The following CDKN2B-AS1 variants were observed in gnomAD, a reference collection of about 807,000 sequenced individuals.
The protein encoded by CDKN2B-AS1 is CDKN2B antisense RNA 1 (non-protein coding).
intron 4 of CDKN2B-AS1, among the ~76,000 whole-genome samples, chr9:22,081,569 C>A (rs1053355247): frequency 1.3e-5 from 2 of 152,224 alleles, no homozygotes; most frequent in Non-Finnish European, 2.9e-5. Flanking sequence ...GAAATGGGAA[C>A]AAGTTGTGGG....
chr9:22,082,963 A>G lies in CDKN2B-AS1; in HGVS notation n.438+26576A>G, dbSNP rs370422226. 1.6e-4 allele frequency among the ~76,000 whole-genome samples: 24 copies of G among 152,334 alleles called. No homozygotes were observed. In the East Asian group the frequency reaches 2.1e-3, roughly 13 times the overall value. On this transcript the variant is annotated intron_variant and non_coding_transcript_variant, in intron 4 of 4. Transcript: ENST00000650946. ...TTGAGAAAGCCAATTGGAATCAAGA[A>G]GGCCTAATCCTGGGGTTCTGTCACA... is the stretch of plus-strand genomic sequence containing the variant.
intron 4 of CDKN2B-AS1, among the ~76,000 whole-genome samples, chr9:22,109,805 G>A (rs1324073674): frequency 6.6e-6 from 1 of 152,114 alleles, no homozygotes; most frequent in South Asian, 2.1e-4. Flanking sequence ...AAAGTGGATT[G>A]CAACTGCTAT....
At position 22,005,591 on chromosome 9, in the gene CDKN2B-AS1, A is replaced by G; in HGVS notation, n.29+10430A>G. The G allele has an allele frequency of 2.4e-6, 1 of 422,736 alleles. No individual in the cohort carries two copies. Among genetic ancestry groups the G allele is most frequent in the Admixed American group, 3.8e-5 (1 of 26,378 alleles). 26.2% of individuals were successfully genotyped at this position (422,736 alleles called of 1,614,324 possible). A position where few individuals can be genotyped will look rare whatever the true frequency, so the allele number is the denominator to read the frequency against. On this transcript the variant is annotated intron_variant and non_coding_transcript_variant, in intron 1 of 4. Transcript: ENST00000650946. This position sits in a 1 kb window ranked among gnomAD's most constrained non-coding sequence, Gnocchi z 4.9. ...CATCGACTGCCGTCACCCAAGTGCT[A>G]ATCACTGCCTTCTCCCACTCAGCGC...
chr9:22,045,027 A>G (rs1563943258), intron 1 of CDKN2B-AS1, among the ~76,000 whole-genome samples: 2 of 132,342 alleles, frequency 1.5e-5, no homozygotes, highest in African/African-American at 6.0e-5. Flanking sequence ...TTTTGGAAAA[A>G]TATTATTTAT....
chr9:22,012,010 A>G (rs1349538024), intron 1 of CDKN2B-AS1: 2 of 496,994 alleles, frequency 4.0e-6, no homozygotes, highest in Non-Finnish European at 7.2e-6. Flanking sequence ...ATCCATTCCA[A>G]TGTTGCACAT....
intron 4 of CDKN2B-AS1, among the ~76,000 whole-genome samples, chr9:22,067,749 G>C (rs1288412287): frequency 1.3e-5 from 2 of 152,118 alleles, no homozygotes; most frequent in Non-Finnish European, 2.9e-5. Flanking sequence ...TAGAAGCAAA[G>C]AGCCTAAAGT....
chr9:22,009,685 C>T (rs902722924), intron 1 of CDKN2B-AS1, among the ~76,000 whole-genome samples: 11 of 152,190 alleles, frequency 7.2e-5, no homozygotes, highest in African/African-American at 2.7e-4. Flanking sequence ...GAAAGTCATT[C>T]AAAATAACTC....
intron 1 of CDKN2B-AS1, among the ~76,000 whole-genome samples, chr9:22,026,918 C>G (rs978499814): frequency 6.6e-6 from 1 of 152,204 alleles, no homozygotes; most frequent in South Asian, 2.1e-4. Flanking sequence ...CCCAGAGTTG[C>G]GCATTCACTT....
chr9:22,048,851 A>G (rs1165807916), intron 2 of CDKN2B-AS1, among the ~76,000 whole-genome samples: 1 of 152,180 alleles, frequency 6.6e-6, no homozygotes, highest in Non-Finnish European at 1.5e-5. Context: ...GAAATATTTA[A>G]TGGCAAACTT....
chr9:22,069,988 T>TGTGCGTTATCTAATACTTAG (rs1244228402), intron 4 of CDKN2B-AS1, among the ~76,000 whole-genome samples: 1 of 152,158 alleles, frequency 6.6e-6, no homozygotes, highest in Non-Finnish European at 1.5e-5. Flanking sequence ...TTTTTGGGAA[T>TGTGCGTTATCTAATACTTAG]GTGCGTTATC....
intron 2 of CDKN2B-AS1, among the ~76,000 whole-genome samples, chr9:22,047,441 C>G (rs1350691315): frequency 1.3e-5 from 2 of 152,158 alleles, no homozygotes; most frequent in African/African-American, 2.4e-5. Context: ...CCTTTCACTA[C>G]TAGTGGTAAC....
rs542464475 is a variant in CDKN2B-AS1 at position 22,078,062 on chromosome 9, A to G, written n.438+21675A>G. ...CTGAAACTTTTTTTCTCCCTCAAACATGACTTCAACTTTACTATCCTGGTC... is the reference window on the plus strand; with the variant it reads ...CTGAAACTTTTTTTCTCCCTCAAACGTGACTTCAACTTTACTATCCTGGTC... On this transcript the variant is annotated intron_variant and non_coding_transcript_variant, in intron 4 of 4. Coordinates refer to ENST00000650946, the Ensembl canonical transcript of CDKN2B-AS1. Among the ~76,000 whole-genome samples the G allele has an allele frequency of 1.7e-3, 262 of 152,200 alleles. 2 individuals are homozygous for G. Among genetic ancestry groups the G allele is most frequent in the Non-Finnish European group, 2.2e-3 (150 of 68,008 alleles).
At chr9:22,021,086 T>G (rs1821996690) in intron 1 of CDKN2B-AS1, among the ~76,000 whole-genome samples, 1 of 152,194 alleles carries the variant, frequency 6.6e-6, no homozygotes, top group Non-Finnish European at 1.5e-5. Context: ...TTTAATCTTC[T>G]GCATATGGCT....
intron 2 of CDKN2B-AS1, chr9:22,049,029 C>A (rs1269906525): frequency 6.6e-6 from 1 of 152,100 alleles, no homozygotes; most frequent in East Asian, 1.9e-4. Context: ...TTCTAAAATT[C>A]TATTATTTAA....
At chr9:22,058,626 A>C (rs1485091842) in intron 4 of CDKN2B-AS1, 1 of 152,290 alleles carries the variant, frequency 6.6e-6, no homozygotes, top group African/African-American at 2.4e-5. Context: ...ATTGGCTTAA[A>C]ATATACAGAA....
In CDKN2B-AS1 at chr9:22,063,782, T is replaced by C. The variant is rs535229956; in HGVS notation, n.438+7395T>C. ...AACGAAGACCCCGGAGCTGGAGGAC[T>C]CAAAGAGTTTGGAGAGCAGACGTGT... On this transcript the variant is annotated intron_variant and non_coding_transcript_variant, in intron 4 of 4. Transcript: ENST00000650946. 6.6e-5 allele frequency among the ~76,000 whole-genome samples: 10 copies of C among 152,262 alleles called. No individual in the cohort carries two copies. The East Asian group carries it at 1.7e-3, about 26-fold the overall frequency.
rs1167893458 is a variant in CDKN2B-AS1 at position 22,006,037 on chromosome 9, G to C, written n.29+10876G>C. On this transcript the variant is annotated intron_variant and non_coding_transcript_variant, in intron 1 of 4. Transcript: ENST00000650946. The surrounding 1 kb of genome is among the most constrained non-coding windows in gnomAD (Gnocchi z 6.4). ...TACCCTGCAACGTCGCGGTGGCCCC[G>C]CTCCTCGGCCAAGTCCACGGGCAGA... 6.2e-7 allele frequency: 1 copy of C among 1,604,230 alleles called. No homozygotes were observed. Among genetic ancestry groups the C allele is most frequent in the Non-Finnish European group, 8.5e-7 (1 of 1,179,458 alleles).
chr9:22,085,455 C>CA (rs1388605119), intron 4 of CDKN2B-AS1, among the ~76,000 whole-genome samples: 1 of 152,170 alleles, frequency 6.6e-6, no homozygotes, highest in Non-Finnish European at 1.5e-5. Flanking sequence ...CGCGGTGGCT[C>CA]ACGCCTGTAA....
At position 21,995,705 on chromosome 9, in the gene CDKN2B-AS1, C is replaced by G. The variant is rs570492124; in HGVS notation, n.29+544C>G. 2.0e-5 allele frequency: 3 copies of G among 152,574 alleles called. No individual in the cohort carries two copies. The highest frequency in any genetic ancestry group is 2.1e-4 in the South Asian group (1 of 4,832). 9.5% of individuals were successfully genotyped at this position (152,574 alleles called of 1,614,324 possible). A position where few individuals can be genotyped will look rare whatever the true frequency, so the allele number is the denominator to read the frequency against. ...GGTGAGTCGAGGACACAGGGGCAGC[C>G]GGAGAATGCGGAGGAGCCGGGTCCT... On this transcript the variant is annotated intron_variant and non_coding_transcript_variant, in intron 1 of 4. Transcript: ENST00000650946. The surrounding 1 kb of genome is among the most constrained non-coding windows in gnomAD (Gnocchi z 5.7).
Sources: allele counts gnomAD v4.1 joint callset (sites outside exome capture counted in the v4.1 genomes callset), GRCh38; gene constraint gnomAD v4.1.1; non-coding constraint Gnocchi (gnomAD v3.1); transcripts MANE v1.5; gene names NCBI Gene and HGNC (gene_info 2026-07-23, HGNC 2026-07-21).